The following INSR variants were observed in gnomAD, a reference collection of about 807,000 sequenced individuals.
INSR encodes the protein IR.
In INSR, 67 loss-of-function variants were observed where a neutral mutation model predicts 142.6. That is an observed-to-expected ratio of 0.47 (90% CI 0.39 to 0.58). The LOEUF (loss-of-function observed/expected upper bound fraction) is 0.58, where lower values mean the gene tolerates loss of function less well. INSR is among the 20% of genes least tolerant of loss of function. The pLI, the probability that INSR is intolerant of heterozygous loss-of-function variation, is 0.00. For missense variants in INSR, 1,248 were observed against 1,833.2 expected (o/e 0.68, Z 5.83); for synonymous variants, 756 against 743.1 (o/e 1.02, Z -0.28).
intron 2 of INSR, among the ~76,000 whole-genome samples, chr19:7,197,926 T>A (rs866573249): frequency 0.14 from 18,354 of 135,226 alleles, 1,575 homozygotes; most frequent in Non-Finnish European, 0.19. Flanking sequence ...AGAGTGTGTG[T>A]GTGTGTGTGT....
At chr19:7,127,934 G>C (rs1438779094) in intron 15 of INSR, among the ~76,000 whole-genome samples, 1 of 151,856 alleles carries the variant, frequency 6.6e-6, no homozygotes, top group African/African-American at 2.4e-5. Context: ...AGTAGAGACG[G>C]GGTTTCACCA....
chr19:7,180,919 C>G (rs951247672), intron 3 of INSR, among the ~76,000 whole-genome samples: 1 of 152,070 alleles, frequency 6.6e-6, no homozygotes, highest in African/African-American at 2.4e-5. Flanking sequence ...TAGGGAAGGA[C>G]ATGGCATATG....
At chr19:7,219,685 AT>A (rs1056070947) in intron 2 of INSR, among the ~76,000 whole-genome samples, 20 of 152,076 alleles carry the variant, frequency 1.3e-4, no homozygotes, top group East Asian at 7.7e-4. Flanking sequence ...AAGAAAGAAA[AT>A]GAAAAAAAAG....
At chr19:7,218,525 GT>G (rs1975505703) in intron 2 of INSR, among the ~76,000 whole-genome samples, 1 of 151,280 alleles carries the variant, frequency 6.6e-6, no homozygotes, top group Non-Finnish European at 1.5e-5. Flanking sequence ...TTGTTTTGTT[GT>G]TTTTTTCTGT....
intron 2 of INSR, among the ~76,000 whole-genome samples, chr19:7,189,984 G>A (rs1974534331): frequency 6.6e-6 from 1 of 151,764 alleles, no homozygotes; most frequent in Admixed American, 6.6e-5. Context: ...TTTCTATTAG[G>A]AACTAGACTC....
chr19:7,128,395 G>C (rs1972696514), intron 15 of INSR, among the ~76,000 whole-genome samples: 1 of 151,648 alleles, frequency 6.6e-6, no homozygotes, highest in South Asian at 2.1e-4. Flanking sequence ...AGTATTTTTA[G>C]TAGAGACGAG....
intron 2 of INSR, among the ~76,000 whole-genome samples, chr19:7,228,364 A>T (rs1975853115): frequency 6.6e-6 from 1 of 152,332 alleles, no homozygotes; most frequent in African/African-American, 2.4e-5. Flanking sequence ...TGTCTCTTGC[A>T]TCTATGAGAC....
chr19:7,122,516 T>C lies in INSR; in HGVS notation c.3529+98A>G. The C allele has an allele frequency of 3.9e-6, 5 of 1,293,736 alleles. No individual in the cohort carries two copies. The South Asian group carries it at 4.8e-5, about 12-fold the overall frequency. 80.1% of individuals were successfully genotyped at this position (1,293,736 alleles called of 1,614,324 possible). ...AAAAGAAGTATCTTGCCCCTTTATA[T>C]TATCAGAAAAGACTTAACGGCTCAT... On this transcript the variant is annotated intron_variant, in intron 19 of 21. Transcript: ENST00000302850.
intron 3 of INSR, among the ~76,000 whole-genome samples, chr19:7,176,157 C>T (rs1210227362): frequency 6.6e-6 from 1 of 152,148 alleles, no homozygotes; most frequent in Non-Finnish European, 1.5e-5. Flanking sequence ...CCACCCAAAT[C>T]TCATGTCAAA....
At chr19:7,152,999 C>A (rs1599913341) in intron 9 of INSR, 72 bp from the exon 10 acceptor site, 1 of 695,674 alleles carries the variant, frequency 1.4e-6, no homozygotes, top group South Asian at 1.7e-5. Context: ...ACACACACCC[C>A]ACACACACAC....
intron 2 of INSR, among the ~76,000 whole-genome samples, chr19:7,249,718 C>T (rs1024051843): frequency 6.6e-5 from 10 of 152,188 alleles, no homozygotes; most frequent in African/African-American, 9.6e-5. Context: ...AGCGGCTGGG[C>T]GCGGTGGCTC....
intron 12 of INSR, among the ~76,000 whole-genome samples, chr19:7,142,053 CG>C (rs1229290092): frequency 6.6e-6 from 1 of 150,990 alleles, no homozygotes; most frequent in African/African-American, 2.4e-5. Context: ...GTCACCCAGG[CG>C]GGAGTGCAGT....
At chr19:7,153,328 AC>A (rs1973478720) in intron 9 of INSR, among the ~76,000 whole-genome samples, 4 of 139,680 alleles carry the variant, frequency 2.9e-5, no homozygotes, top group Non-Finnish European at 6.0e-5. Flanking sequence ...CACACCACAC[AC>A]ACCCACGCCA....
chr19:7,161,608 C>T (rs1457376320), intron 9 of INSR, among the ~76,000 whole-genome samples: 2 of 151,990 alleles, frequency 1.3e-5, no homozygotes, highest in African/African-American at 2.4e-5. Context: ...TTGCTGCCTT[C>T]GATCCTTACA....
In INSR at chr19:7,150,133, C is replaced by G. The variant is rs75846085; in HGVS notation, c.2267+364G>C. On this transcript the variant is annotated intron_variant, in intron 11 of 21. Coordinates refer to ENST00000302850, the MANE Select transcript of INSR (RefSeq NM_000208.4). The surrounding 1 kb of genome is among the most constrained non-coding windows in gnomAD (Gnocchi z 4.2). Reference sequence around the variant, plus strand: ...GCTGCTGGGTCGGGGCACCCAGCCGCGGGGAGCTCAGACTCCGGGGACCCC... The same window carrying G: ...GCTGCTGGGTCGGGGCACCCAGCCGGGGGGAGCTCAGACTCCGGGGACCCC... 0.3 allele frequency among the ~76,000 whole-genome samples: 44,828 copies of G among 151,856 alleles called. 7,378 individuals are homozygous for G. The highest frequency in any genetic ancestry group is 0.37 in the Non-Finnish European group (25,325 of 67,912).
At chr19:7,197,577 GGTGTGTGTGT>G (rs113829911) in intron 2 of INSR, among the ~76,000 whole-genome samples, 7 of 56,050 alleles carry the variant, frequency 1.2e-4, no homozygotes, top group Non-Finnish European at 2.7e-4. Context: ...TGTGTGTTTG[GGTGTGTGTGT>G]GTGTGTGTGT....
chr19:7,143,781 G>A (rs375803903), intron 11 of INSR, among the ~76,000 whole-genome samples: 8 of 152,330 alleles, frequency 5.3e-5, no homozygotes, highest in South Asian at 4.1e-4. Context: ...TAGGCTGGGC[G>A]AGGTGGCTCA....
chr19:7,190,699 A>G (rs373076523), intron 2 of INSR, among the ~76,000 whole-genome samples: 1 of 152,246 alleles, frequency 6.6e-6, no homozygotes, highest in East Asian at 1.9e-4. Flanking sequence ...TTCGAACACT[A>G]TAAGCTCATT....
At chr19:7,176,971 A>G (rs1473999882) in intron 3 of INSR, among the ~76,000 whole-genome samples, 2 of 152,122 alleles carry the variant, frequency 1.3e-5, no homozygotes, top group African/African-American at 4.8e-5. Flanking sequence ...TCTGTGTGGG[A>G]TGTGATGCAA....
Sources: gnomAD v4.1 joint callset for allele counts (sites outside exome capture counted in the v4.1 genomes callset) on GRCh38, gnomAD v4.1.1 for gene constraint, Gnocchi (gnomAD v3.1) non-coding constraint, MANE v1.5 for transcripts, NCBI Gene and HGNC (gene_info 2026-07-23, HGNC 2026-07-21) for gene names.